Variants in RNF220 observed in about 807,000 individuals in gnomAD.
RNF220 encodes the protein ring finger protein 220.
RNF220 carries 7 observed loss-of-function variants against 67.1 expected under a neutral mutation model. The ratio of observed to expected loss-of-function variants is 0.10; its 90% CI spans 0.06 to 0.20. RNF220 has a LOEUF of 0.20. RNF220 is among the 10% of genes least tolerant of loss of function. The pLI is 1.00. For synonymous variants in RNF220, 270 were observed against 283.2 expected, an observed-to-expected ratio of 0.95 and a Z score of 0.47; for missense variants, 565 against 740.3, an observed-to-expected ratio of 0.76 and a Z score of 2.75.
At chr1:44,500,431 C>T (rs955288346) in intron 2 of RNF220, among the ~76,000 whole-genome samples, 8 of 152,210 alleles carry the variant, frequency 5.3e-5, no homozygotes, top group Non-Finnish European at 7.3e-5. Flanking sequence ...CTGGCACTCT[C>T]TGGCTCCTTG....
chr1:44,584,409 C>A (rs1245746498), intron 2 of RNF220, among the ~76,000 whole-genome samples: 2 of 152,212 alleles, frequency 1.3e-5, no homozygotes, highest in Non-Finnish European at 2.9e-5. Flanking sequence ...AATTCATTAA[C>A]CTCGTAGGGA....
intron 2 of RNF220, among the ~76,000 whole-genome samples, chr1:44,456,872 A>T (rs886178998): frequency 6.6e-6 from 1 of 151,964 alleles, no homozygotes; most frequent in African/African-American, 2.4e-5. Flanking sequence ...ACATCCTGCA[A>T]TCCCATCACA....
intron 2 of RNF220, among the ~76,000 whole-genome samples, chr1:44,443,007 T>G (rs1467350470): frequency 6.6e-6 from 1 of 152,216 alleles, no homozygotes; most frequent in East Asian, 1.9e-4. Flanking sequence ...ATAAGACTTC[T>G]CAAATAACTG....
chr1:44,422,513 C>A (rs1344879424), intron 2 of RNF220, among the ~76,000 whole-genome samples: 1 of 152,142 alleles, frequency 6.6e-6, no homozygotes, highest in African/African-American at 2.4e-5. Context: ...GCAAATGCTG[C>A]CTTCTCCTTC....
intron 2 of RNF220, among the ~76,000 whole-genome samples, chr1:44,518,792 G>A (rs573680331): frequency 1.1e-4 from 16 of 151,664 alleles, no homozygotes; most frequent in Non-Finnish European, 2.1e-4. Context: ...GGAGAATGGC[G>A]TGAACCCGGG....
At chr1:44,415,512 C>T (rs1214301591) in intron 2 of RNF220, among the ~76,000 whole-genome samples, 2 of 152,130 alleles carry the variant, frequency 1.3e-5, no homozygotes, top group South Asian at 2.1e-4. Flanking sequence ...TATACACACA[C>T]ACACACACAC....
Position 44,649,934 on chromosome 1 carries a change from G to A in RNF220, c.1606G>A (p.Glu536Lys). 1.9e-6 allele frequency: 3 copies of A among 1,613,920 alleles called. No individual in the cohort carries two copies. The highest frequency in any genetic ancestry group is 1.1e-5 in the South Asian group (1 of 91,086). Residue 536 changes from glutamate (E) to lysine (K), a missense_variant, in exon 14 of 15, where the codon GAG (glutamate) becomes AAG (lysine). Glu to Lys is a moderately conservative substitution (Grantham distance 56). Transcript: ENST00000361799. The surrounding 1 kb of genome is among the most constrained non-coding windows in gnomAD (Gnocchi z 5.9). The stretch of plus-strand genomic sequence containing the variant: ...CATCCAGTGTTGGCACGTGCACTGC[G>A]AGGAGTGCTGGCTGCGGACCCTGGT... ...TSIQCWHVHC[E>K]ECWLRTLGAK...
At chr1:44,549,306 C>T (rs1662428181) in intron 2 of RNF220, among the ~76,000 whole-genome samples, 1 of 152,196 alleles carries the variant, frequency 6.6e-6, no homozygotes, top group African/African-American at 2.4e-5. Context: ...CAATGCCTTG[C>T]ATATAGGAGG....
At chr1:44,409,661 C>T (rs1446028417) in intron 1 of RNF220, among the ~76,000 whole-genome samples, 1 of 152,214 alleles carries the variant, frequency 6.6e-6, no homozygotes, top group Admixed American at 6.5e-5. Context: ...TTCCCTTTGC[C>T]GGGTTCTTCA....
intron 2 of RNF220, among the ~76,000 whole-genome samples, chr1:44,496,375 A>G (rs930561247): frequency 2.0e-5 from 3 of 152,226 alleles, no homozygotes; most frequent in Non-Finnish European, 4.4e-5. Context: ...AGTGAATGAG[A>G]TATCTCTGGA....
chr1:44,640,389 C>T (rs1573167255), intron 8 of RNF220, among the ~76,000 whole-genome samples: 1 of 152,224 alleles, frequency 6.6e-6, no homozygotes. Context: ...ATCTTTAGTT[C>T]TCTCTGTCGC....
chr1:44,646,275 C>T (rs540207367), intron 12 of RNF220, among the ~76,000 whole-genome samples: 1 of 152,390 alleles, frequency 6.6e-6, no homozygotes, highest in South Asian at 2.1e-4. Context: ...CGGTGCAGGG[C>T]CGGGTCGGTG....
At chr1:44,483,148 C>T (rs967077405) in intron 2 of RNF220, among the ~76,000 whole-genome samples, 27 of 151,962 alleles carry the variant, frequency 1.8e-4, no homozygotes, top group African/African-American at 6.3e-4. Flanking sequence ...CCAGGCTGGT[C>T]TCAAACTCCT....
chr1:44,542,989 C>T (rs750827239), intron 2 of RNF220, among the ~76,000 whole-genome samples: 4 of 152,138 alleles, frequency 2.6e-5, no homozygotes, highest in East Asian at 1.9e-4. Flanking sequence ...CCCTGTCTCT[C>T]GGCAGTGTTG....
intron 2 of RNF220, among the ~76,000 whole-genome samples, chr1:44,449,012 C>A (rs1243287362): frequency 1.3e-5 from 2 of 152,242 alleles, no homozygotes; most frequent in African/African-American, 4.8e-5. Context: ...ACTCACTGTA[C>A]AACCACACCT....
intron 2 of RNF220, among the ~76,000 whole-genome samples, chr1:44,532,048 A>C (rs891792609): frequency 2.0e-5 from 3 of 152,128 alleles, no homozygotes; most frequent in Non-Finnish European, 4.4e-5. Flanking sequence ...GTCAGTGCAG[A>C]TGACCTCTCT....
rs777788812 is a variant in RNF220, at chr1:44,600,551, T to C, written c.626-13614T>C. On this transcript the variant is annotated intron_variant, in intron 2 of 14. Coordinates refer to ENST00000361799, the MANE Select transcript of RNF220 (RefSeq NM_018150.4). This position sits in a 1 kb window ranked among gnomAD's most constrained non-coding sequence, Gnocchi z 4.0. The stretch of plus-strand genomic sequence containing the variant: ...ATAGTACAGTGCTGGCCGGGCACAG[T>C]GGCTCACTCCTGTAATCCCAGCACT... Among the ~76,000 whole-genome samples, 7 of 152,188 alleles carry C rather than the reference T, an allele frequency of 4.6e-5. No homozygotes were observed. Among genetic ancestry groups the C allele is most frequent in the Non-Finnish European group, 7.3e-5 (5 of 68,032 alleles).
intron 2 of RNF220, among the ~76,000 whole-genome samples, chr1:44,539,382 T>C (rs1395500801): frequency 6.6e-6 from 1 of 152,218 alleles, no homozygotes; most frequent in Non-Finnish European, 1.5e-5. Context: ...TTTCTACTTA[T>C]AGTTCTGTCT....
At chr1:44,495,459 T>C (rs1258637347) in intron 2 of RNF220, among the ~76,000 whole-genome samples, 1 of 152,186 alleles carries the variant, frequency 6.6e-6, no homozygotes, top group Non-Finnish European at 1.5e-5. Flanking sequence ...GTAGTTACAA[T>C]GAAATGGGGC....
Sources: allele counts gnomAD v4.1 joint callset (sites outside exome capture counted in the v4.1 genomes callset), GRCh38; gene constraint gnomAD v4.1.1; non-coding constraint Gnocchi (gnomAD v3.1); transcripts MANE v1.5; gene names NCBI Gene and HGNC (gene_info 2026-07-23, HGNC 2026-07-21).